The following ZNF814 variants were observed in gnomAD, a reference collection of about 807,000 sequenced individuals.
The protein encoded by ZNF814 is zinc finger protein 814.
ZNF814 carries 5 observed loss-of-function variants against 7.5 expected under a neutral mutation model. The ratio of observed to expected loss-of-function variants is 0.67; its 90% CI spans 0.35 to 1.40. The LOEUF (loss-of-function observed/expected upper bound fraction) is 1.40. ZNF814 is among the 40% of genes most tolerant of loss of function. The probability of loss-of-function intolerance (pLI) is 0.04; values close to 1 mark genes in which losing one functional copy is unlikely to be tolerated. For synonymous variants in ZNF814, 315 were observed against 340.7 expected, an observed-to-expected ratio of 0.92 and a Z score of 0.83; for missense variants, 962 against 1,018.0, an observed-to-expected ratio of 0.94 and a Z score of 0.75.
In ZNF814 at chr19:57,874,105, A is replaced by G. The variant is rs868290876; in HGVS notation, c.1285T>C (p.Phe429Leu). ...CCATAAGGTTTTTCTCCAGTGTGAA[A>G]TCGCTGATGTTGAATGAGGCTGCTC... is the stretch of plus-strand genomic sequence containing the variant. ...QKSSLIQHQR[F>L]HTGEKPYGCE... is the part of the protein sequence containing the mutation. Residue 429 changes from phenylalanine to leucine, a missense_variant, in exon 3 of 3, where the codon TTT becomes CTT. Coordinates refer to ENST00000435989, the MANE Select transcript of ZNF814 (RefSeq NM_001144989.2). The G allele has an allele frequency of 6.2e-7, 1 of 1,600,920 alleles. No homozygotes were observed. Among genetic ancestry groups the G allele is most frequent in the Non-Finnish European group, 8.5e-7 (1 of 1,173,854 alleles).
upstream of ZNF814, among the ~76,000 whole-genome samples, chr19:57,892,753 G>T (rs558065318): frequency 8.5e-5 from 13 of 152,182 alleles, no homozygotes; most frequent in Admixed American, 3.9e-4. Context: ...GAGTGGGGGG[G>T]GCTTCTCTGG....
chr19:57,877,239 A>G (rs1398223683), intron 1 of ZNF814, among the ~76,000 whole-genome samples, 197 bp from the exon 2 acceptor site: 1 of 152,086 alleles, frequency 6.6e-6, no homozygotes, highest in African/African-American at 2.4e-5. Flanking sequence ...TTGTGACGTA[A>G]GAGTCCACCC....
intron 1 of ZNF814, among the ~76,000 whole-genome samples, chr19:57,877,408 C>G (rs2071615503): frequency 6.6e-6 from 1 of 152,094 alleles, no homozygotes; most frequent in Non-Finnish European, 1.5e-5. Context: ...CACCACTGGC[C>G]TCTCTCTGGC....
chr19:57,900,640 C>G, the ZNF814 span: 1 of 152,142 alleles, frequency 6.6e-6, no homozygotes, highest in Non-Finnish European at 1.5e-5. Flanking sequence ...ATGGACATAA[C>G]ACACATTCCC....
At chr19:57,893,594 T>C (rs1317847780), upstream of ZNF814, among the ~76,000 whole-genome samples, 1 of 151,472 alleles carries the variant, frequency 6.6e-6, no homozygotes, top group Non-Finnish European at 1.5e-5. Context: ...CTGACCAACA[T>C]GGTGAAACAA....
At chr19:57,882,834 T>C (rs550653321) in intron 1 of ZNF814, among the ~76,000 whole-genome samples, 1 of 151,394 alleles carries the variant, frequency 6.6e-6, no homozygotes, top group African/African-American at 2.5e-5. Context: ...AACACCTAAC[T>C]GTTTAATGCC....
chr19:57,897,088 C>A, the ZNF814 span, among the ~76,000 whole-genome samples: 4 of 152,088 alleles, frequency 2.6e-5, no homozygotes, highest in African/African-American at 9.7e-5. Flanking sequence ...ACCTAAAGAA[C>A]CATATACTGA....
At chr19:57,888,652 G>C in intron 1 of ZNF814, 115 bp downstream of exon 1, 1 of 1,319,908 alleles carries the variant, frequency 7.6e-7, no homozygotes. Flanking sequence ...TCCCGCAAGC[G>C]CCTCAGTGTC....
At chr19:57,887,540 C>T (rs1321127831) in intron 1 of ZNF814, among the ~76,000 whole-genome samples, 4 of 152,128 alleles carry the variant, frequency 2.6e-5, no homozygotes, top group Non-Finnish European at 5.9e-5. Context: ...TTCACTAATC[C>T]TGTTTTTAGA....
intron 1 of ZNF814, among the ~76,000 whole-genome samples, chr19:57,888,319 C>T (rs1371436467): frequency 6.6e-6 from 1 of 152,186 alleles, no homozygotes; most frequent in East Asian, 1.9e-4. Context: ...TAGCTCATGG[C>T]TTTTGTTGAC....
chr19:57,879,027 G>C (rs543228688), intron 1 of ZNF814, among the ~76,000 whole-genome samples: 127 of 152,150 alleles, frequency 8.3e-4, no homozygotes, highest in African/African-American at 2.0e-3. Flanking sequence ...ATACCAATAT[G>C]ACCAGGCATC....
At chr19:57,887,833 G>A (rs752624537) in intron 1 of ZNF814, among the ~76,000 whole-genome samples, 28 of 152,310 alleles carry the variant, frequency 1.8e-4, no homozygotes, top group Non-Finnish European at 2.4e-4. Context: ...TGTGTCTGGC[G>A]TAGTGCCCAT....
chr19:57,878,137 G>A (rs2071621673), intron 1 of ZNF814, among the ~76,000 whole-genome samples: 1 of 138,416 alleles, frequency 7.2e-6, no homozygotes, highest in African/African-American at 2.8e-5. Context: ...TTGCACTCTA[G>A]CCTGGGCAAC....
chr19:57,885,813 T>C (rs2071686912), intron 1 of ZNF814: 1 of 151,646 alleles, frequency 6.6e-6, no homozygotes, highest in Non-Finnish European at 1.5e-5. Flanking sequence ...TTGGATTGTT[T>C]GAAACACAAA....
intron 1 of ZNF814, among the ~76,000 whole-genome samples, chr19:57,879,052 C>T (rs939403775): frequency 1.3e-5 from 2 of 151,932 alleles, no homozygotes; most frequent in African/African-American, 4.8e-5. Context: ...TGGCAAATCA[C>T]ACTGGGCCTT....
the ZNF814 span, among the ~76,000 whole-genome samples, chr19:57,904,269 C>G: frequency 2.6e-5 from 4 of 152,304 alleles, no homozygotes; most frequent in Admixed American, 6.5e-5. Flanking sequence ...GCCCCCACAT[C>G]CGCACGTCCT....
chr19:57,900,839 A>ATTTTTTTTTTTTTT, the ZNF814 span, among the ~76,000 whole-genome samples: 189 of 45,772 alleles, frequency 4.1e-3, 44 homozygotes, highest in East Asian at 7.8e-3. Context: ...CCATGGCTGC[A>ATTTTTTTTTTTTTT]TTTTTTTTTT....
At chr19:57,903,383 A>G in the ZNF814 span, among the ~76,000 whole-genome samples, 1 of 152,332 alleles carries the variant, frequency 6.6e-6, no homozygotes, top group Non-Finnish European at 1.5e-5. Context: ...TAGTCAAATT[A>G]ATGATCTCCC....
intron 2 of ZNF814, chr19:57,876,661 A>G (rs2071609459): frequency 5.7e-6 from 3 of 526,894 alleles, no homozygotes; most frequent in Non-Finnish European, 6.6e-6. Flanking sequence ...ACACCCAAAC[A>G]TCCACAGGAC....
Sources: gnomAD v4.1 joint callset for allele counts (sites outside exome capture counted in the v4.1 genomes callset) on GRCh38, gnomAD v4.1.1 for gene constraint, MANE v1.5 for transcripts, NCBI Gene and HGNC (gene_info 2026-07-23, HGNC 2026-07-21) for gene names.